KAZN: variants seen among roughly 807,000 people sequenced by gnomAD.
KAZN encodes the protein kazrin.
In KAZN, 40 loss-of-function variants were observed where a neutral mutation model predicts 87.4. The observed-to-expected ratio is 0.46, with a 90% CI of 0.36 to 0.60. The LOEUF is 0.60. Among genes scored for constraint, KAZN ranks in the 20% least tolerant of loss-of-function variants. The pLI, the probability that KAZN is intolerant of heterozygous loss-of-function variation, is 0.00. For synonymous variants in KAZN, 466 were observed against 458.3 expected (o/e 1.02, Z -0.22); for missense variants, 898 against 1,073.9 (o/e 0.84, Z 2.29).
At chr1:14,754,980 A>C (rs1557455784) in intron 1 of KAZN, among the ~76,000 whole-genome samples, 1 of 151,850 alleles carries the variant, frequency 6.6e-6, no homozygotes, top group Admixed American at 6.6e-5. Flanking sequence ...AGTGGCTCAC[A>C]TCTATAATCC....
intron 1 of KAZN, among the ~76,000 whole-genome samples, chr1:14,158,358 C>A (rs1645640889): frequency 6.6e-6 from 1 of 151,966 alleles, no homozygotes; most frequent in South Asian, 2.1e-4. Context: ...GCTCCCTAAT[C>A]CTTTTTTCTG....
chr1:14,090,629 C>G (rs1643954978), intron 1 of KAZN, among the ~76,000 whole-genome samples: 1 of 152,102 alleles, frequency 6.6e-6, no homozygotes, highest in African/African-American at 2.4e-5. Context: ...ACTGATTTGC[C>G]TCTATTACTG....
intron 2 of KAZN, among the ~76,000 whole-genome samples, chr1:14,243,061 A>G (rs530809869): frequency 1.3e-5 from 2 of 152,250 alleles, no homozygotes; most frequent in African/African-American, 4.8e-5. Flanking sequence ...AAGCCCTTCA[A>G]TCACATCTCC....
chr1:14,485,795 A>T (rs922593175), intron 2 of KAZN, among the ~76,000 whole-genome samples: 5 of 151,466 alleles, frequency 3.3e-5, no homozygotes, highest in African/African-American at 9.7e-5. Flanking sequence ...TAGGAGGCTG[A>T]GGCAGGAGAA....
At chr1:15,003,194 G>A (rs1487027284) in intron 2 of KAZN, among the ~76,000 whole-genome samples, 1 of 152,094 alleles carries the variant, frequency 6.6e-6, no homozygotes, top group Non-Finnish European at 1.5e-5. Context: ...GAATAATGTC[G>A]TGGAGGTGAG....
intron 14 of KAZN, chr1:15,112,867 C>T (rs986863150): frequency 1.2e-4 from 28 of 237,128 alleles, no homozygotes; most frequent in Admixed American, 1.1e-3. Flanking sequence ...AAAAGGAGTT[C>T]TCTGGGGCGA....
chr1:14,093,924 C>A (rs1644065573), intron 1 of KAZN, among the ~76,000 whole-genome samples: 1 of 152,164 alleles, frequency 6.6e-6, no homozygotes, highest in Non-Finnish European at 1.5e-5. Context: ...TGTTCAGATT[C>A]ATCCTGGCCT....
chr1:14,508,102 C>T (rs1670700431), intron 2 of KAZN, among the ~76,000 whole-genome samples: 1 of 152,194 alleles, frequency 6.6e-6, no homozygotes, highest in Admixed American at 6.5e-5. Flanking sequence ...CTTTCCCATC[C>T]TCCTGCCATC....
intron 2 of KAZN, among the ~76,000 whole-genome samples, chr1:14,265,567 C>T (rs1651411169): frequency 6.6e-6 from 1 of 152,200 alleles, no homozygotes; most frequent in Non-Finnish European, 1.5e-5. Context: ...CAGAATGCTT[C>T]CTTACAGCGA....
At chr1:14,586,751 G>T (rs949927940) in intron 2 of KAZN, among the ~76,000 whole-genome samples, 1 of 151,948 alleles carries the variant, frequency 6.6e-6, no homozygotes, top group Non-Finnish European at 1.5e-5. Flanking sequence ...TGTTGCCCAG[G>T]CTGATCTCAA....
At chr1:14,372,792 T>C (rs1660601154) in intron 2 of KAZN, among the ~76,000 whole-genome samples, 1 of 152,256 alleles carries the variant, frequency 6.6e-6, no homozygotes, top group Non-Finnish European at 1.5e-5. Context: ...AATACATGTA[T>C]TCAGTGCCTG....
At chr1:14,540,084 A>G (rs1223073608) in intron 2 of KAZN, among the ~76,000 whole-genome samples, 1 of 152,202 alleles carries the variant, frequency 6.6e-6, no homozygotes, top group Non-Finnish European at 1.5e-5. Context: ...TTTACATAAT[A>G]AAGGAACTGA....
At chr1:13,968,492 C>T (rs1336624143) in intron 1 of KAZN, among the ~76,000 whole-genome samples, 2 of 152,154 alleles carry the variant, frequency 1.3e-5, no homozygotes, top group Admixed American at 6.5e-5. Context: ...TGCTGTTGCC[C>T]TCTTACTCCT....
At chr1:14,189,116 G>A (rs547872956) in intron 2 of KAZN, among the ~76,000 whole-genome samples, 14 of 152,212 alleles carry the variant, frequency 9.2e-5, no homozygotes, top group African/African-American at 3.1e-4. Context: ...CGAGCCAATA[G>A]CCCATGTTCC....
chr1:14,371,561 G>A (rs1265430717), intron 2 of KAZN, among the ~76,000 whole-genome samples: 2 of 152,118 alleles, frequency 1.3e-5, no homozygotes, highest in African/African-American at 2.4e-5. Flanking sequence ...GGGAGAGGCT[G>A]AGTGTCTAAA....
intron 4 of KAZN, among the ~76,000 whole-genome samples, chr1:15,044,472 A>G (rs541951173): frequency 6.6e-6 from 1 of 152,242 alleles, no homozygotes; most frequent in South Asian, 2.1e-4. Context: ...AAAAAGGCCT[A>G]GTGCAGTGGC....
chr1:13,962,063 C>A (rs555203559), intron 1 of KAZN, among the ~76,000 whole-genome samples: 1 of 152,272 alleles, frequency 6.6e-6, no homozygotes, highest in East Asian at 1.9e-4. Flanking sequence ...GGAGCGTTGG[C>A]CATGCAGGAA....
chr1:14,359,437 T>A (rs1659317601), intron 2 of KAZN, among the ~76,000 whole-genome samples: 1 of 152,148 alleles, frequency 6.6e-6, no homozygotes, highest in Admixed American at 6.5e-5. Flanking sequence ...CCATTTACAT[T>A]TAAGGTTAAT....
At chr1:14,339,083 C>T (rs988549083) in intron 2 of KAZN, among the ~76,000 whole-genome samples, 2 of 151,908 alleles carry the variant, frequency 1.3e-5, no homozygotes, top group South Asian at 2.1e-4. Flanking sequence ...CAAGATCAGA[C>T]GTAACAGAGA....
Sources: allele counts gnomAD v4.1 joint callset (sites outside exome capture counted in the v4.1 genomes callset), GRCh38; gene constraint gnomAD v4.1.1; transcripts MANE v1.5; gene names NCBI Gene and HGNC (gene_info 2026-07-23, HGNC 2026-07-21).